Variants in SUPT20H observed in about 807,000 individuals in gnomAD.
The protein encoded by SUPT20H is SPT20 homolog, SAGA complex component, also known as transcription factor SPT20 homolog.
A neutral mutation model predicts 122.8 loss-of-function variants in SUPT20H; 82 were observed. The observed-to-expected ratio is 0.67, with a 90% CI of 0.56 to 0.80. The LOEUF (loss-of-function observed/expected upper bound fraction) is 0.80. Among genes scored for constraint, SUPT20H ranks in the 30% least tolerant of loss-of-function variants. SUPT20H has a pLI of 0.00. For missense variants in SUPT20H, 831 were observed against 921.6 expected, an observed-to-expected ratio of 0.90 and a Z score of 1.27; for synonymous variants, 291 against 313.0, an observed-to-expected ratio of 0.93 and a Z score of 0.74.
intron 1 of SUPT20H, among the ~76,000 whole-genome samples, chr13:37,053,532 G>C (rs2068219534): frequency 6.6e-6 from 1 of 151,966 alleles, no homozygotes; most frequent in South Asian, 2.1e-4. Flanking sequence ...GGGGGGTTGG[G>C]GGAAAGGGGA....
intron 7 of SUPT20H, among the ~76,000 whole-genome samples, chr13:37,042,511 G>C (rs748901126): frequency 6.6e-6 from 1 of 152,146 alleles, no homozygotes; most frequent in Non-Finnish European, 1.5e-5. Flanking sequence ...AAAAAAGACC[G>C]AAGGATTAGA....
intron 9 of SUPT20H, among the ~76,000 whole-genome samples, chr13:37,037,194 C>CA (rs34269768): frequency 0.46 from 59,496 of 130,474 alleles, 13,515 homozygotes; most frequent in East Asian, 0.7. Flanking sequence ...GACTCTGCCT[C>CA]AAAAAAAAAA....
chr13:37,041,454 C>G (rs2065451748), intron 7 of SUPT20H, among the ~76,000 whole-genome samples: 1 of 150,866 alleles, frequency 6.6e-6, no homozygotes, highest in African/African-American at 2.4e-5. Flanking sequence ...GGCGGTGGGG[C>G]TTGCAGTGAG....
In SUPT20H at chr13:37,017,228, G is replaced by A; in HGVS notation, c.1992+17C>T. ...AAATTCGATGTAAAAGCATATGGAAGGCTAGAAAATCCATACCTGCTCCCC... is the reference window on the plus strand; with the variant it reads ...AAATTCGATGTAAAAGCATATGGAAAGCTAGAAAATCCATACCTGCTCCCC... On this transcript the variant is annotated intron_variant, in intron 23 of 25. Coordinates refer to ENST00000350612, the MANE Select transcript of SUPT20H (RefSeq NM_001014286.3). The A allele has an allele frequency of 1.2e-6, 2 of 1,613,916 alleles. No homozygotes were observed. Among genetic ancestry groups the A allele is most frequent in the Non-Finnish European group, 1.7e-6 (2 of 1,179,916 alleles).
At chr13:37,025,717 G>A (rs1057443990) in intron 16 of SUPT20H, 11 of 303,902 alleles carry the variant, frequency 3.6e-5, no homozygotes, top group Non-Finnish European at 5.5e-5. Flanking sequence ...TAAGTAATAA[G>A]CAGCCAAAGA....
chr13:37,036,040 G>A (rs949505998), intron 9 of SUPT20H, among the ~76,000 whole-genome samples: 12 of 152,014 alleles, frequency 7.9e-5, no homozygotes, highest in Admixed American at 3.9e-4. Flanking sequence ...CAATCAATGG[G>A]GCAAACTTCA....
chr13:37,014,764 T>C (rs1208286307), intron 23 of SUPT20H, among the ~76,000 whole-genome samples: 2 of 152,136 alleles, frequency 1.3e-5, no homozygotes, highest in Non-Finnish European at 2.9e-5. Context: ...AACACAATAA[T>C]CTAAGCTTCC....
intron 10 of SUPT20H, among the ~76,000 whole-genome samples, chr13:37,032,943 T>A (rs2063652347): frequency 6.6e-6 from 1 of 152,144 alleles, no homozygotes; most frequent in African/African-American, 2.4e-5. Flanking sequence ...TTACAAATTC[T>A]TTCCTTAAAG....
At chr13:37,014,922 C>T (rs1261203770) in intron 23 of SUPT20H, among the ~76,000 whole-genome samples, 1 of 152,106 alleles carries the variant, frequency 6.6e-6, no homozygotes, top group African/African-American at 2.4e-5. Flanking sequence ...TTCAGGGCCT[C>T]TAGGCAAACT....
chr13:37,057,010 G>C (rs2069230324), intron 1 of SUPT20H: 1 of 152,130 alleles, frequency 6.6e-6, no homozygotes. Context: ...CATTTGCTCT[G>C]AGATAAGACT....
chr13:37,040,393 A>G lies in SUPT20H; in HGVS notation c.567+12T>C. On this transcript the variant is annotated intron_variant, in intron 9 of 25. Coordinates refer to ENST00000350612, the MANE Select transcript of SUPT20H (RefSeq NM_001014286.3). ...TTTTGCCTGTTTGAGATTAAAAAAC[A>G]AAACAACTAACCTGGGTCCATTTGT... 2 of 1,551,066 alleles carry G rather than the reference A, an allele frequency of 1.3e-6. No individual in the cohort carries two copies. The highest frequency in any genetic ancestry group is 1.3e-5 in the South Asian group (1 of 79,522).
Position 37,040,664 on chromosome 13 carries a change from A to T in SUPT20H, c.425T>A (p.Ile142Lys). 6.2e-7 allele frequency: 1 copy of T among 1,613,904 alleles called. No homozygotes were observed. The highest frequency in any genetic ancestry group is 8.5e-7 in the Non-Finnish European group (1 of 1,179,962). The change falls in exon 8 of 26, where the codon ATA becomes AAA. Residue 142 changes from isoleucine to lysine, a missense_variant. Ile to Lys is a moderately radical substitution (Grantham distance 102). Transcript: ENST00000350612. ...CTGCCTGTAGTCACGTATTTCTGCT[A>T]TGACACATCCGCAATGAAAAATATT... ...QVNIFHCGCV[I>K]AEIRDYRQSS...
At chr13:37,040,365 A>T (rs754982430) in intron 9 of SUPT20H, 40 bp downstream of exon 9, 13 of 1,520,686 alleles carry the variant, frequency 8.5e-6, no homozygotes, top group Non-Finnish European at 1.1e-5. Flanking sequence ...TTTTCATCCT[A>T]TATTTTGCCT....
rs1166263775 is a variant in SUPT20H, at chr13:37,047,952, T to G, written c.40-16A>C. 3 of 1,594,166 alleles carry G rather than the reference T, an allele frequency of 1.9e-6. No individual in the cohort carries two copies. The highest frequency in any genetic ancestry group is 2.3e-5 in the South Asian group (2 of 87,720). ...CAATGACATACTAAAAAACAAAAGT[T>G]TATGAGAACAGCTTGCTTTTTGCTT... On this transcript the variant is annotated splice_polypyrimidine_tract_variant and intron_variant, in intron 3 of 25. Transcript: ENST00000350612.
chr13:37,057,995 T>C (rs929930472), intron 1 of SUPT20H, among the ~76,000 whole-genome samples: 3 of 116,760 alleles, frequency 2.6e-5, no homozygotes, highest in Admixed American at 8.8e-5. Context: ...AAAAAAAAAG[T>C]TGGCTGGGGC....
At chr13:37,048,956 C>G (rs201817916) in intron 2 of SUPT20H, among the ~76,000 whole-genome samples, 126,734 of 151,860 alleles carry the variant, frequency 0.83, 53,974 homozygotes, top group East Asian at 1. Context: ...CAAAATGAAC[C>G]AAAGGCTAAA....
rs908769041 is a variant in SUPT20H at position 37,017,122 on chromosome 13, ATTG to A, written c.1992+120_1992+122del. On this transcript the variant is annotated intron_variant, in intron 23 of 25. Transcript: ENST00000350612. ...ACACACCCAATAGCTGATTGCTACT[ATTG>A]TTAATAAAAACAGTACAGGAAATGT... The A allele has an allele frequency of 2.9e-6, 4 of 1,367,010 alleles. No individual in the cohort carries two copies. In the African/African-American group the frequency reaches 5.7e-5, roughly 20 times the overall value. 84.7% of individuals were successfully genotyped at this position (1,367,010 alleles called of 1,614,324 possible).
chr13:37,034,934 A>G (rs1186122511), intron 9 of SUPT20H, among the ~76,000 whole-genome samples: 1 of 152,218 alleles, frequency 6.6e-6, no homozygotes, highest in Non-Finnish European at 1.5e-5. Flanking sequence ...ATGACAGCAC[A>G]TCTGTTTACT....
chr13:37,017,009 A>G (rs1372552667), intron 23 of SUPT20H, among the ~76,000 whole-genome samples: 2 of 152,226 alleles, frequency 1.3e-5, no homozygotes, highest in African/African-American at 4.8e-5. Flanking sequence ...TATGGCTAAG[A>G]GCAAGCCATT....
Sources: allele counts gnomAD v4.1 joint callset (sites outside exome capture counted in the v4.1 genomes callset), GRCh38; gene constraint gnomAD v4.1.1; transcripts MANE v1.5; gene names NCBI Gene and HGNC (gene_info 2026-07-23, HGNC 2026-07-21).